Variants in TNRC6B observed in about 807,000 individuals in gnomAD.
The protein encoded by TNRC6B is trinucleotide repeat containing adaptor 6B.
Under a neutral mutation model 203.6 loss-of-function variants are expected in TNRC6B, and 52 were observed. The ratio of observed to expected loss-of-function variants is 0.26; its 90% confidence interval spans 0.20 to 0.32. TNRC6B has a LOEUF of 0.32. Ranked by LOEUF, TNRC6B falls within the 10% of genes least tolerant of loss-of-function variation. The probability of loss-of-function intolerance (pLI) is 1.00; values close to 1 mark genes in which losing one functional copy is unlikely to be tolerated. For missense variants in TNRC6B, 1,923 were observed against 2,286.2 expected (o/e 0.84, Z 3.24); for synonymous variants, 838 against 845.7 (o/e 0.99, Z 0.16).
At chr22:40,248,827 T>C (rs1417300171) in intron 2 of TNRC6B, among the ~76,000 whole-genome samples, 1 of 152,234 alleles carries the variant, frequency 6.6e-6, no homozygotes, top group Non-Finnish European at 1.5e-5. Context: ...TGACATAGAA[T>C]CTAGGCTGAC....
intron 1 of TNRC6B, among the ~76,000 whole-genome samples, chr22:40,108,588 C>A (rs1421014963): frequency 6.6e-6 from 1 of 152,092 alleles, no homozygotes; most frequent in Non-Finnish European, 1.5e-5. Flanking sequence ...ATTCATTCTC[C>A]CATGAGTGCA....
intron 1 of TNRC6B, among the ~76,000 whole-genome samples, chr22:40,066,518 G>C (rs1483472676): frequency 6.6e-6 from 1 of 152,090 alleles, no homozygotes; most frequent in Non-Finnish European, 1.5e-5. Flanking sequence ...CTGGATATGT[G>C]ATTTCTCATC....
intron 1 of TNRC6B, among the ~76,000 whole-genome samples, chr22:40,200,086 A>G (rs1309951148): frequency 6.6e-6 from 1 of 151,826 alleles, no homozygotes; most frequent in African/African-American, 2.4e-5. Flanking sequence ...GGTGTGAGCC[A>G]CAGTCCCTGG....
chr22:40,240,276 T>C (rs2070010596), intron 1 of TNRC6B, among the ~76,000 whole-genome samples: 2 of 152,238 alleles, frequency 1.3e-5, no homozygotes, highest in Non-Finnish European at 2.9e-5. Flanking sequence ...ATTCAGGATT[T>C]ATTCTAGATT....
chr22:40,265,218 A>G lies in TNRC6B; in HGVS notation c.988A>G (p.Ser330Gly), dbSNP rs1432454961. 9.3e-6 allele frequency: 15 copies of G among 1,613,954 alleles called. No homozygotes were observed. The highest frequency in any genetic ancestry group is 1.3e-5 in the Non-Finnish European group (15 of 1,179,912). The change falls in exon 5 of 23, where the codon AGT becomes GGT. Residue 330 changes from serine (S) to glycine (G), a missense_variant. Coordinates refer to ENST00000454349, the MANE Select transcript of TNRC6B (RefSeq NM_001162501.2). ...GAAAGGGGCATTGGAAACAGATAAT[A>G]GTAATTCCAGTGCACAGGTTAGCAC... is the stretch of plus-strand genomic sequence containing the variant. ...SRKGALETDN[S>G]NSSAQVSTVG...
At chr22:40,109,676 G>T (rs1323765952) in intron 1 of TNRC6B, among the ~76,000 whole-genome samples, 1 of 152,126 alleles carries the variant, frequency 6.6e-6, no homozygotes, top group Admixed American at 6.5e-5. Flanking sequence ...CATAATTTTC[G>T]TAAGTGTAAA....
chr22:40,313,116 G>A (rs1660752981), intron 19 of TNRC6B, 119 bp downstream of exon 19: 2 of 761,138 alleles, frequency 2.6e-6, no homozygotes, highest in Non-Finnish European at 2.2e-6. Context: ...AGTAGCATAG[G>A]TCAGTATAGA....
chr22:40,314,412 C>T (rs1453556093), intron 19 of TNRC6B, among the ~76,000 whole-genome samples: 1 of 152,142 alleles, frequency 6.6e-6, no homozygotes, highest in South Asian at 2.1e-4. Flanking sequence ...TTAAACACTC[C>T]ATGCTGAATC....
chr22:40,297,693 G>A (rs773581223), intron 12 of TNRC6B, among the ~76,000 whole-genome samples: 3 of 152,018 alleles, frequency 2.0e-5, no homozygotes, highest in Non-Finnish European at 2.9e-5. Flanking sequence ...GTGGTGGTGC[G>A]TGCCTGTAGT....
chr22:40,063,252 G>C (rs1425380509), intron 1 of TNRC6B, among the ~76,000 whole-genome samples: 1 of 152,170 alleles, frequency 6.6e-6, no homozygotes, highest in East Asian at 1.9e-4. Flanking sequence ...TTTATTTGTA[G>C]ATTCTCAATT....
chr22:40,318,238 A>G (rs1466060049), intron 21 of TNRC6B, among the ~76,000 whole-genome samples: 1 of 152,170 alleles, frequency 6.6e-6, no homozygotes, highest in African/African-American at 2.4e-5. Flanking sequence ...TCTGTATCTA[A>G]TCAACTCAGC....
At chr22:40,090,550 C>T (rs980408273) in intron 1 of TNRC6B, among the ~76,000 whole-genome samples, 1 of 151,888 alleles carries the variant, frequency 6.6e-6, no homozygotes, top group African/African-American at 2.4e-5. Flanking sequence ...TTTTTTATTG[C>T]TGAGTTTTAA....
chr22:40,259,830 C>A (rs565436878), intron 3 of TNRC6B, among the ~76,000 whole-genome samples: 1 of 152,346 alleles, frequency 6.6e-6, no homozygotes, highest in South Asian at 2.1e-4. Flanking sequence ...AGCAGTACTA[C>A]CCCCAGAGTT....
intron 19 of TNRC6B, among the ~76,000 whole-genome samples, chr22:40,314,653 C>A (rs1372063384): frequency 6.6e-6 from 1 of 152,178 alleles, no homozygotes; most frequent in African/African-American, 2.4e-5. Flanking sequence ...ATTGAGCTTA[C>A]GTGATGATGT....
At chr22:40,161,131 A>G (rs979725962) in intron 4 of TNRC6B, among the ~76,000 whole-genome samples, 2 of 152,224 alleles carry the variant, frequency 1.3e-5, no homozygotes, top group African/African-American at 4.8e-5. Flanking sequence ...AAATTTTTAT[A>G]TAGCAAAATC....
intron 1 of TNRC6B, among the ~76,000 whole-genome samples, chr22:40,080,120 A>T (rs2068053064): frequency 8.5e-6 from 1 of 118,180 alleles, no homozygotes; most frequent in Non-Finnish European, 1.7e-5. Context: ...TTTTGTGTAG[A>T]GACACAGGTC....
chr22:40,109,675 C>T (rs147879883), intron 1 of TNRC6B, among the ~76,000 whole-genome samples: 13 of 152,304 alleles, frequency 8.5e-5, no homozygotes, highest in African/African-American at 3.1e-4. Context: ...CCATAATTTT[C>T]GTAAGTGTAA....
chr22:40,290,781 G>A (rs1162597951), intron 12 of TNRC6B, among the ~76,000 whole-genome samples: 2 of 152,058 alleles, frequency 1.3e-5, no homozygotes, highest in African/African-American at 2.4e-5. Flanking sequence ...GCTGGAGCCT[G>A]AGCAGGGCAT....
chr22:40,239,050 A>G (rs1230932324), intron 1 of TNRC6B, among the ~76,000 whole-genome samples: 1 of 152,122 alleles, frequency 6.6e-6, no homozygotes, highest in Non-Finnish European at 1.5e-5. Context: ...TAAAAATACA[A>G]AAGTTAGCTG....
Sources: gnomAD v4.1 joint callset for allele counts (sites outside exome capture counted in the v4.1 genomes callset) on GRCh38, gnomAD v4.1.1 for gene constraint, MANE v1.5 for transcripts, NCBI Gene and HGNC (gene_info 2026-07-23, HGNC 2026-07-21) for gene names.